ABCC10: variants seen among roughly 807,000 people sequenced by gnomAD.
The protein encoded by ABCC10 is ATP-binding cassette sub-family C member 10.
A neutral mutation model predicts 143.2 loss-of-function variants in ABCC10; 110 were observed. The observed-to-expected ratio is 0.77, with a 90% CI of 0.66 to 0.90. The LOEUF (loss-of-function observed/expected upper bound fraction) is 0.90, where lower values mean the gene tolerates loss of function less well. Among genes scored for constraint, ABCC10 ranks in the 40% least tolerant of loss-of-function variants. The pLI, the probability that ABCC10 is intolerant of heterozygous loss-of-function variation, is 0.00. For synonymous variants in ABCC10, 805 were observed against 846.7 expected, an observed-to-expected ratio of 0.95 and a Z score of 0.85; for missense variants, 1,700 against 1,900.5, an observed-to-expected ratio of 0.89 and a Z score of 1.96.
rs1348793831 is a variant in ABCC10, at chr6:43,438,062, C to T, written c.1955+49C>T. 3.2e-6 allele frequency: 5 copies of T among 1,568,704 alleles called. No individual in the cohort carries two copies. The African/African-American group carries it at 6.8e-5, about 21-fold the overall frequency. ...TGTCCTTACTTTGTCCTTTAGCAAA[C>T]ACTGAGCCCCTCTTATGTGTTGGAC... is the stretch of plus-strand genomic sequence containing the variant. On this transcript the variant is annotated intron_variant, in intron 7 of 21. Coordinates refer to ENST00000372530, the MANE Select transcript of ABCC10 (RefSeq NM_001198934.2).
chr6:43,449,082 T>C, intron 19 of ABCC10, 25 bp from the exon 20 acceptor site: 2 of 1,614,040 alleles, frequency 1.2e-6, no homozygotes, highest in Non-Finnish European at 1.7e-6. Flanking sequence ...GCCTGGGCCC[T>C]GCAACGAAGA....
rs748535408 is a variant in ABCC10, at chr6:43,432,891, T to C, written c.911T>C (p.Leu304Pro). ...ACCATGTTGGGATTCTCAGGGCCCC[T>C]GTTGCTCTCCCTACTGGTGGGCTTC... ...VGTMLGFSGP[L>P]LLSLLVGFLE... The change falls in exon 3 of 22, where the codon CTG (leucine) becomes CCG (proline). Residue 304 changes from leucine to proline, a missense_variant. Leu to Pro is a moderately conservative substitution (Grantham distance 98). Coordinates refer to ENST00000372530, the MANE Select transcript of ABCC10 (RefSeq NM_001198934.2). The C allele has an allele frequency of 1.3e-5, 21 of 1,614,180 alleles. No homozygotes were observed. In the South Asian group the frequency reaches 2.3e-4, roughly 18 times the overall value.
At position 43,445,304 on chromosome 6, in the gene ABCC10, G is replaced by A. The variant is rs1230374851; in HGVS notation, c.3020G>A (p.Arg1007Gln). 2 of 1,613,264 alleles carry A rather than the reference G, an allele frequency of 1.2e-6. No individual in the cohort carries two copies. The highest frequency in any genetic ancestry group is 1.3e-5 in the African/African-American group (1 of 74,956). Residue 1007 changes from arginine (R) to glutamine (Q), a missense_variant, in exon 14 of 22, where the codon CGA becomes CAA. By Grantham distance (43) the Arg-to-Gln change is conservative. Coordinates refer to ENST00000372530, the MANE Select transcript of ABCC10 (RefSeq NM_001198934.2). ...AATLHRRLLH[R>Q]VLMAPVTFFN... ...ACTCTGCATCGCCGCCTGCTGCATC[G>A]AGTCCTTATGGTGAGGGGCTGGGAC...
chr6:43,450,086 C>A lies in ABCC10; in HGVS notation c.4474C>A (p.Pro1492Thr). 1 of 1,597,670 alleles carries A rather than the reference C, an allele frequency of 6.3e-7. No individual in the cohort carries two copies. Among genetic ancestry groups the A allele is most frequent in the Admixed American group, 1.7e-5 (1 of 59,272 alleles). ...GGGAGTCCCTGCCTCACTCGGAGGTCCCTGAGCCCAATCCCACACCCTGCA... is the reference window on the plus strand; with the variant it reads ...GGGAGTCCCTGCCTCACTCGGAGGTACCTGAGCCCAATCCCACACCCTGCA... ...QQGVPASLGG[P>T] Residue 1492 changes from proline to threonine, a missense_variant, in exon 22 of 22, where the codon CCC (proline) becomes ACC (threonine). Physicochemically the swap from Pro to Thr is conservative, Grantham distance 38 (BLOSUM62 -1). Transcript: ENST00000372530. The surrounding 1 kb of genome is among the most constrained non-coding windows in gnomAD (Gnocchi z 4.5).
chr6:43,437,868 G>C, intron 6 of ABCC10, 66 bp from the exon 7 acceptor site: 2 of 1,518,502 alleles, frequency 1.3e-6, no homozygotes, highest in South Asian at 2.4e-5. Context: ...AGTGTCAAGA[G>C]GGAGACCACT....
At chr6:43,435,183 C>T in intron 4 of ABCC10, 1 of 225,050 alleles carries the variant, frequency 4.4e-6, no homozygotes, top group Non-Finnish European at 8.7e-6. Context: ...GGTGATGTTG[C>T]TACTTGGAAA....
At chr6:43,431,857 G>A in intron 2 of ABCC10, 1 of 1,288,664 alleles carries the variant, frequency 7.8e-7, no homozygotes, top group Non-Finnish European at 9.8e-7. Context: ...GTTAATGTCT[G>A]TGGTTTAAAA....
intron 16 of ABCC10, 174 bp downstream of exon 16, chr6:43,446,620 G>A (rs1440728464): frequency 1.0e-6 from 1 of 985,170 alleles, no homozygotes; most frequent in East Asian, 1.1e-4. Flanking sequence ...CAATCCCCAG[G>A]AGGGACTTGC....
chr6:43,448,101 G>A, intron 18 of ABCC10, 164 bp downstream of exon 18: 2 of 1,110,188 alleles, frequency 1.8e-6, no homozygotes, highest in Non-Finnish European at 2.6e-6. Flanking sequence ...AACTCCTAGT[G>A]CCCAGGTCCA....
intron 15 of ABCC10, 64 bp from the exon 16 acceptor site, chr6:43,446,213 G>A: frequency 6.4e-7 from 1 of 1,559,570 alleles, no homozygotes; most frequent in East Asian, 2.3e-5. Flanking sequence ...CCCTGTTGAG[G>A]CCCTGAGGCT....
chr6:43,430,366 C>G (rs1780996788), intron 2 of ABCC10, among the ~76,000 whole-genome samples: 1 of 152,148 alleles, frequency 6.6e-6, no homozygotes, highest in Non-Finnish European at 1.5e-5. Flanking sequence ...GCTGGGATTA[C>G]AGGCTTGAGC....
In ABCC10 at chr6:43,450,222, G is replaced by T; in HGVS notation, c.*131G>T. ...CCACACTTCCCCAGAAGGGAAAAGG[G>T]CACCCTGGATTACTCTTTGGAAATC... On this transcript the variant is annotated 3_prime_UTR_variant, in exon 22 of 22. Transcript: ENST00000372530. This position sits in a 1 kb window ranked among gnomAD's most constrained non-coding sequence, Gnocchi z 4.5. 1 of 1,178,312 alleles carries T rather than the reference G, an allele frequency of 8.5e-7. No homozygotes were observed. Among genetic ancestry groups the T allele is most frequent in the Non-Finnish European group, 1.2e-6 (1 of 845,872 alleles). The allele number at this position is 1,178,312 out of a possible 1,614,324, so 73.0% of individuals were successfully genotyped here. A position where few individuals can be genotyped will look rare whatever the true frequency, so the allele number is the denominator to read the frequency against.
downstream of ABCC10, among the ~76,000 whole-genome samples, chr6:43,451,460 A>G (rs959015931): frequency 6.6e-6 from 1 of 152,226 alleles, no homozygotes; most frequent in African/African-American, 2.4e-5. This position sits in a 1 kb window ranked among gnomAD's most constrained non-coding sequence, Gnocchi z 4.4. Flanking sequence ...GTTGAGTGAA[A>G]TAATCAATGT....
At chr6:43,429,519 AC>A (rs1780907967) in intron 2 of ABCC10, among the ~76,000 whole-genome samples, 1 of 151,364 alleles carries the variant, frequency 6.6e-6, no homozygotes, top group Non-Finnish European at 1.5e-5. Context: ...TGCAGCCTCA[AC>A]CTCCTGGGCT....
In ABCC10 at chr6:43,438,010, A is replaced by G; in HGVS notation, c.1952A>G (p.His651Arg). The change falls in exon 7 of 22, where the codon CAC becomes CGC. Residue 651 changes from histidine to arginine, a missense_variant. His to Arg is a conservative substitution (Grantham distance 29, BLOSUM62 0). Coordinates refer to ENST00000372530, the MANE Select transcript of ABCC10 (RefSeq NM_001198934.2). ...CTGGCTGCCATCGCTGGAGAGCTCC[A>G]CAGGTAACCAACCTCCTATGCACCC... ...SLLAAIAGELHRLRGHVAVRG... is the reference protein window; with the variant it reads ...SLLAAIAGELRRLRGHVAVRG... The G allele has an allele frequency of 6.2e-7, 1 of 1,612,056 alleles. No homozygotes were observed. Among genetic ancestry groups the G allele is most frequent in the Non-Finnish European group, 8.5e-7 (1 of 1,179,192 alleles).
chr6:43,446,221 G>C, intron 15 of ABCC10, 56 bp from the exon 16 acceptor site: 1 of 1,571,342 alleles, frequency 6.4e-7, no homozygotes, highest in East Asian at 2.2e-5. Context: ...AGGCCCTGAG[G>C]CTGGGTGGCT....
rs149609845 is a variant in ABCC10, at chr6:43,447,876, A to G, written c.3898A>G (p.Ser1300Gly). Reference sequence around the variant, plus strand: ...GGTGCTCTTCCGGCTGCTAGAGCCCAGTTCAGGGCGAGTGCTGCTGGACGG... The same window carrying G: ...GGTGCTCTTCCGGCTGCTAGAGCCCGGTTCAGGGCGAGTGCTGCTGGACGG... ...LLVLFRLLEP[S>G]SGRVLLDGVD... The change falls in exon 18 of 22, where the codon AGT becomes GGT. Residue 1300 changes from serine to glycine, a missense_variant. Transcript: ENST00000372530. 61 of 1,613,840 alleles carry G rather than the reference A, an allele frequency of 3.8e-5. No homozygotes were observed. Among genetic ancestry groups the G allele is most frequent in the Non-Finnish European group, 5.1e-5 (60 of 1,180,026 alleles).
chr6:43,446,523 C>T (rs1783098228), intron 16 of ABCC10, 77 bp downstream of exon 16: 2 of 1,493,716 alleles, frequency 1.3e-6, no homozygotes, highest in Non-Finnish European at 1.8e-6. Flanking sequence ...CCTGCACCAT[C>T]CCCCCAACAT....
At chr6:43,431,828 A>G (rs1233781624) in intron 2 of ABCC10, 22 of 1,229,310 alleles carry the variant, frequency 1.8e-5, no homozygotes, top group Admixed American at 4.0e-5. Flanking sequence ...CATGTTAAGT[A>G]CAATCTTACC....
Sources: allele counts gnomAD v4.1 joint callset (sites outside exome capture counted in the v4.1 genomes callset), GRCh38; gene constraint gnomAD v4.1.1; non-coding constraint Gnocchi (gnomAD v3.1); transcripts MANE v1.5; gene names NCBI Gene and HGNC (gene_info 2026-07-23, HGNC 2026-07-21).